APCDD1L: variants seen among roughly 807,000 people sequenced by gnomAD.
APCDD1L encodes protein APCDD1-like.
Under a neutral mutation model 24.2 loss-of-function variants are expected in APCDD1L, and 21 were observed. That is an observed-to-expected ratio of 0.87 (90% CI 0.61 to 1.25). The LOEUF is 1.25. APCDD1L is among the 50% of genes most tolerant of loss of function. The probability of loss-of-function intolerance (pLI) is 0.00; values close to 1 mark genes in which losing one functional copy is unlikely to be tolerated. For missense variants in APCDD1L, 704 were observed against 711.7 expected, an observed-to-expected ratio of 0.99 and a Z score of 0.12; for synonymous variants, 321 against 323.6, an observed-to-expected ratio of 0.99 and a Z score of 0.09.
chr20:58,495,707 T>C (rs968911933), intron 1 of APCDD1L, among the ~76,000 whole-genome samples: 1 of 152,100 alleles, frequency 6.6e-6, no homozygotes, highest in Admixed American at 6.5e-5. Context: ...TGAGGTGGGT[T>C]GAGAGCCTCA....
chr20:58,493,178 A>G (rs1990256565), intron 1 of APCDD1L, among the ~76,000 whole-genome samples: 1 of 152,282 alleles, frequency 6.6e-6, no homozygotes, highest in Non-Finnish European at 1.5e-5. Context: ...ATATGCACTC[A>G]CAGTGCATGC....
rs1990711251 is a variant in APCDD1L, at chr20:58,514,879, G to A, written c.-172C>T. Reference sequence around the variant, plus strand: ...CGCTCACACGCGCTCAGCCTTCCCGGCTGTTGATAGTTGTAAGCGGAGCTG... The same window carrying A: ...CGCTCACACGCGCTCAGCCTTCCCGACTGTTGATAGTTGTAAGCGGAGCTG... On this transcript the variant is annotated 5_prime_UTR_variant, in exon 1 of 4. Coordinates refer to ENST00000371149, the MANE Select transcript of APCDD1L (RefSeq NM_153360.3). 1.2e-5 allele frequency: 5 copies of A among 431,444 alleles called. No individual in the cohort carries two copies. Among genetic ancestry groups the A allele is most frequent in the East Asian group, 1.1e-4 (3 of 26,908 alleles). 26.7% of individuals were successfully genotyped at this position (431,444 alleles called of 1,614,324 possible).
rs572675105 is a variant in APCDD1L, at chr20:58,501,927, G to A, written c.49+12732C>T. On this transcript the variant is annotated intron_variant, in intron 1 of 3. Coordinates refer to ENST00000371149, the MANE Select transcript of APCDD1L (RefSeq NM_153360.3). Reference sequence around the variant, plus strand: ...TCCTTCAGTTGGTTCCTCTCATCCTGGATCTTCTAGCGCTGGCTCCTTTTC... The same window carrying A: ...TCCTTCAGTTGGTTCCTCTCATCCTAGATCTTCTAGCGCTGGCTCCTTTTC... Among the ~76,000 whole-genome samples, 8 of 152,236 alleles carry A rather than the reference G, an allele frequency of 5.3e-5. No individual in the cohort carries two copies. In the South Asian group the frequency reaches 1.7e-3, roughly 32 times the overall value.
At chr20:58,493,583 G>C (rs1313418627) in intron 1 of APCDD1L, among the ~76,000 whole-genome samples, 1 of 152,178 alleles carries the variant, frequency 6.6e-6, no homozygotes, top group African/African-American at 2.4e-5. Flanking sequence ...ATAATATCGA[G>C]TGCCAAAAGC....
intron 1 of APCDD1L, among the ~76,000 whole-genome samples, chr20:58,511,823 A>C (rs1003737310): frequency 6.6e-6 from 1 of 152,102 alleles, no homozygotes; most frequent in Non-Finnish European, 1.5e-5. Flanking sequence ...TGTGATTTTG[A>C]CCTAGTTAAT....
chr20:58,495,816 C>T (rs1990310794), intron 1 of APCDD1L, among the ~76,000 whole-genome samples: 1 of 152,170 alleles, frequency 6.6e-6, no homozygotes, highest in South Asian at 2.1e-4. Context: ...GCGCCCGGCA[C>T]CTGGCTGGGG....
intron 3 of APCDD1L, among the ~76,000 whole-genome samples, chr20:58,463,894 T>TGGGGGGGG (rs35696336): frequency 3.8e-5 from 2 of 52,390 alleles, no homozygotes; most frequent in Non-Finnish European, 8.3e-5. Context: ...AGTTTTTTTT[T>TGGGGGGGG]GGGGGGGGGG....
rs368779769 is a variant in APCDD1L, at chr20:58,460,758, C to T, written c.*32G>A. 2.8e-4 allele frequency: 428 copies of T among 1,509,340 alleles called. 4 individuals are homozygous for T. In the South Asian group the frequency reaches 3.7e-3, roughly 13 times the overall value. The allele number at this position is 1,509,340 out of a possible 1,614,324, so 93.5% of individuals were successfully genotyped here. ...GGAGTCTGAAGGGTTGAATGGGTGT[C>T]CAGAGCCGCCATCCTGATGTCAAGT... is the stretch of plus-strand genomic sequence containing the variant. On this transcript the variant is annotated 3_prime_UTR_variant, in exon 4 of 4. Coordinates refer to ENST00000371149, the MANE Select transcript of APCDD1L (RefSeq NM_153360.3). This position sits in a 1 kb window ranked among gnomAD's most constrained non-coding sequence, Gnocchi z 4.2.
chr20:58,499,046 G>A (rs117200793), intron 1 of APCDD1L, among the ~76,000 whole-genome samples: 68 of 152,300 alleles, frequency 4.5e-4, no homozygotes, highest in Admixed American at 1.0e-3. Context: ...AAAAGTCACC[G>A]CAGTGAGGTG....
chr20:58,487,285 A>G (rs957697053), intron 1 of APCDD1L, among the ~76,000 whole-genome samples: 2 of 152,180 alleles, frequency 1.3e-5, no homozygotes, highest in African/African-American at 4.8e-5. Flanking sequence ...TCAGGAGAAT[A>G]ATTAAGATAT....
In APCDD1L at chr20:58,487,410, T is replaced by TA. The variant is rs11335260; in HGVS notation, c.50-16664dup. Among the ~76,000 whole-genome samples the TA allele has an allele frequency of 5.4e-3, 760 of 141,280 alleles. 4 individuals are homozygous for TA. The highest frequency in any genetic ancestry group is 0.015 in the African/African-American group (593 of 39,102). 92.7% of individuals were successfully genotyped at this position (141,280 alleles called of 152,430 possible). On this transcript the variant is annotated intron_variant, in intron 1 of 3. Coordinates refer to ENST00000371149, the MANE Select transcript of APCDD1L (RefSeq NM_153360.3). The stretch of plus-strand genomic sequence containing the variant: ...ATAAATAAACTAATTCCTTAAATAT[T>TA]AAAAAAAAAAAAACAAGAAAGGAGG...
Position 58,467,567 on chromosome 20 carries a change from C to T in APCDD1L, c.280G>A (p.Asp94Asn). ...TGGGCAGGTTCCCCGCAGAAGGGGT[C>T]CTCGTAGTAGAACTGGTGGGCTCGA... Reference protein sequence around the residue: ...LFRAHQFYYEDPFCGEPAHSL... With the variant: ...LFRAHQFYYENPFCGEPAHSL... Residue 94 changes from aspartate to asparagine, a missense_variant, in exon 3 of 4, where the codon GAC becomes AAC. Asp to Asn is a conservative substitution (Grantham distance 23, BLOSUM62 1). Transcript: ENST00000371149. This position sits in a 1 kb window ranked among gnomAD's most constrained non-coding sequence, Gnocchi z 5.9. The T allele has an allele frequency of 1.3e-6, 2 of 1,580,788 alleles. No individual in the cohort carries two copies. Among genetic ancestry groups the T allele is most frequent in the Non-Finnish European group, 1.7e-6 (2 of 1,163,226 alleles).
intron 1 of APCDD1L, among the ~76,000 whole-genome samples, chr20:58,500,765 C>T (rs1016416932): frequency 3.3e-5 from 5 of 152,174 alleles, no homozygotes; most frequent in East Asian, 3.8e-4. Flanking sequence ...TGACTACCCC[C>T]GGACATTCAT....
At chr20:58,506,505 C>T (rs990708455) in intron 1 of APCDD1L, among the ~76,000 whole-genome samples, 20 of 152,194 alleles carry the variant, frequency 1.3e-4, no homozygotes, top group Admixed American at 1.1e-3. Context: ...CTTATCTACT[C>T]AAGCAGCCCC....
intron 1 of APCDD1L, among the ~76,000 whole-genome samples, chr20:58,481,512 A>G (rs1209097714): frequency 6.6e-6 from 1 of 152,120 alleles, no homozygotes; most frequent in Non-Finnish European, 1.5e-5. Flanking sequence ...CGGGCCGCAG[A>G]AATATTTAGG....
rs556065589 is a variant in APCDD1L at position 58,495,498 on chromosome 20, G to A, written c.49+19161C>T. 2.6e-5 allele frequency among the ~76,000 whole-genome samples: 4 copies of A among 152,330 alleles called. No individual in the cohort carries two copies. In the South Asian group the frequency reaches 6.2e-4, roughly 24 times the overall value. Reference sequence around the variant, plus strand: ...GGCTGAGCTGCCTCCTTGAGCCCCAGAAACACTTGCTCTTCAACCCCCCTG... The same window carrying A: ...GGCTGAGCTGCCTCCTTGAGCCCCAAAAACACTTGCTCTTCAACCCCCCTG... On this transcript the variant is annotated intron_variant, in intron 1 of 3. Coordinates refer to ENST00000371149, the MANE Select transcript of APCDD1L (RefSeq NM_153360.3).
chr20:58,505,789 C>A (rs1372432990), intron 1 of APCDD1L, among the ~76,000 whole-genome samples: 1 of 152,068 alleles, frequency 6.6e-6, no homozygotes, highest in African/African-American at 2.4e-5. Flanking sequence ...AAAATGAGGT[C>A]CTACTGGAGC....
intron 1 of APCDD1L, among the ~76,000 whole-genome samples, chr20:58,495,577 G>A (rs1040285502): frequency 5.9e-5 from 9 of 152,146 alleles, no homozygotes; most frequent in African/African-American, 2.2e-4. Context: ...AGCCCAGGCT[G>A]AACCCAACAC....
chr20:58,462,452 G>C (rs1013006048), intron 3 of APCDD1L, among the ~76,000 whole-genome samples: 2 of 152,146 alleles, frequency 1.3e-5, no homozygotes, highest in Non-Finnish European at 2.9e-5. Flanking sequence ...GGAGAATAGA[G>C]GATTTTTGTC....
Sources: gnomAD v4.1 joint callset for allele counts (sites outside exome capture counted in the v4.1 genomes callset) on GRCh38, gnomAD v4.1.1 for gene constraint, Gnocchi (gnomAD v3.1) non-coding constraint, MANE v1.5 for transcripts, NCBI Gene and HGNC (gene_info 2026-07-23, HGNC 2026-07-21) for gene names.